The following POLE3 variants were observed in gnomAD, a reference collection of about 807,000 sequenced individuals.
The protein encoded by POLE3 is DNA polymerase epsilon 3, accessory subunit, also known as DNA polymerase epsilon subunit 3.
A neutral mutation model predicts 16.1 loss-of-function variants in POLE3; 10 were observed. That is an observed-to-expected ratio of 0.62 (90% confidence interval 0.38 to 1.05). POLE3 has a LOEUF of 1.05. Ranked by LOEUF, POLE3 falls within the 50% of genes least tolerant of loss-of-function variation. The pLI is 0.01. For synonymous variants in POLE3, 83 were observed against 71.0 expected (o/e 1.17, Z -0.85); for missense variants, 169 against 185.0 (o/e 0.91, Z 0.50).
At position 113,408,685 on chromosome 9, in the gene POLE3, T is replaced by C. The variant is rs920813901; in HGVS notation, c.*126A>G. ...TTTGACGGTATTTCTAGTCAGTTTT[T>C]ATTCTGATCTTTTCAGGCACTTTTG... On this transcript the variant is annotated 3_prime_UTR_variant, in exon 5 of 5. Transcript: ENST00000374171. The C allele has an allele frequency of 8.0e-6, 6 of 750,590 alleles. No homozygotes were observed. The highest frequency in any genetic ancestry group is 7.0e-5 in the Admixed American group (3 of 43,068). 46.5% of individuals were successfully genotyped at this position (750,590 alleles called of 1,614,324 possible).
Position 113,410,356 on chromosome 9 carries a change from T to C in POLE3, c.-63A>G. 1 of 1,461,452 alleles carries C rather than the reference T, an allele frequency of 6.8e-7. No homozygotes were observed. Among genetic ancestry groups the C allele is most frequent in the Non-Finnish European group, 9.5e-7 (1 of 1,057,090 alleles). 90.5% of individuals were successfully genotyped at this position (1,461,452 alleles called of 1,614,324 possible). ...TTCAGGGAGCTACTGCGTCCGGACT[T>C]CCCGCGTCGCTACGGTCTGACCCTG... On this transcript the variant is annotated 5_prime_UTR_variant, in exon 2 of 5. Transcript: ENST00000374171.
At chr9:113,409,940 G>A (rs1273970810) in intron 3 of POLE3, 115 bp downstream of exon 3, 8 of 859,976 alleles carry the variant, frequency 9.3e-6, no homozygotes, top group East Asian at 2.7e-5. Flanking sequence ...ACTGGCAGAG[G>A]ACTGTGAACA....
rs774345463 is a variant in POLE3 at position 113,408,903 on chromosome 9, C to T, written c.352G>A (p.Glu118Lys). Residue 118 changes from glutamate (E) to lysine (K), a missense_variant, in exon 5 of 5, where the codon GAG (glutamate) becomes AAG (lysine). Coordinates refer to ENST00000374171, the MANE Select transcript of POLE3 (RefSeq NM_017443.5). ...TCCTCATCCCTGCTCTTGTCTTGCTCTTCCGAGTCTGTTTTTTTGTCTTTG... is the reference window on the plus strand; with the variant it reads ...TCCTCATCCCTGCTCTTGTCTTGCTTTTCCGAGTCTGTTTTTTTGTCTTTG... Reference protein sequence around the residue: ...KDKDKKTDSEEQDKSRDEDND... With the variant: ...KDKDKKTDSEKQDKSRDEDND... The T allele has an allele frequency of 1.9e-6, 3 of 1,612,792 alleles. No homozygotes were observed. The highest frequency in any genetic ancestry group is 1.7e-6 in the Non-Finnish European group (2 of 1,179,266).
chr9:113,409,484 C>G, intron 4 of POLE3, 126 bp downstream of exon 4: 1 of 665,282 alleles, frequency 1.5e-6, no homozygotes, highest in Non-Finnish European at 2.7e-6. Flanking sequence ...CGAACTGGGT[C>G]GAGTCACATC....
At chr9:113,409,556 G>A (rs752109332) in intron 4 of POLE3, 54 bp downstream of exon 4, 4 of 1,066,430 alleles carry the variant, frequency 3.8e-6, no homozygotes, top group Non-Finnish European at 5.8e-6. Flanking sequence ...CTGGTGAACA[G>A]GTCACACAGG....
At chr9:113,410,733 GGGC>G (rs1564393524), upstream of POLE3, 10 of 232,848 alleles carry the variant, frequency 4.3e-5, no homozygotes, top group African/African-American at 2.0e-4. Context: ...TGACTCGGCG[GGGC>G]GGATCCCTTT....
At chr9:113,410,547 G>C (rs1828086135) in intron 1 of POLE3, 70 bp downstream of exon 1, 1 of 581,612 alleles carries the variant, frequency 1.7e-6, no homozygotes, top group African/African-American at 1.9e-5. Context: ...CAACCCTACC[G>C]CACCCCGCAC....
chr9:113,409,652 C>G lies in POLE3; in HGVS notation c.229G>C (p.Glu77Gln), dbSNP rs189428263. The G allele has an allele frequency of 2.5e-6, 4 of 1,613,412 alleles. No individual in the cohort carries two copies. The East Asian group carries it at 8.9e-5, about 36-fold the overall frequency. ...SDVLSAMEEM[E>Q]FQRFVTPLKE... ...AATGGGGTAACGAACCGCTGGAACT[C>G]CATCTCTTCCATGGCTGAGAGCACA... Residue 77 changes from glutamate to glutamine, a missense_variant, in exon 4 of 5, where the codon GAG becomes CAG. Transcript: ENST00000374171.
Position 113,408,563 on chromosome 9 carries a change from G to C in POLE3, c.*248C>G, listed in dbSNP as rs574749094. 1 of 326,198 alleles carries C rather than the reference G, an allele frequency of 3.1e-6. No homozygotes were observed. The highest frequency in any genetic ancestry group is 2.1e-5 in the African/African-American group (1 of 47,506). The allele number at this position is 326,198 out of a possible 1,614,324, so 20.2% of individuals were successfully genotyped here. On this transcript the variant is annotated 3_prime_UTR_variant, in exon 5 of 5. Coordinates refer to ENST00000374171, the MANE Select transcript of POLE3 (RefSeq NM_017443.5). ...AGCGAGCAAACTGACTAATTTAGTC[G>C]TTCAGAATCCCTCTTGTCAAAAGGC...
chr9:113,410,085 G>A lies in POLE3; in HGVS notation c.122C>T (p.Ala41Val). 6.3e-7 allele frequency: 1 copy of A among 1,580,258 alleles called. No individual in the cohort carries two copies. The highest frequency in any genetic ancestry group is 1.2e-5 in the South Asian group (1 of 86,772). ...KEARSAISRA[A>V]SVFVLYATSC... is the part of the protein sequence containing the mutation. ...TGTGGCGTACAGCACGAAGACGCTGGCGGCGCGGGAGATGGCGCTCCGGGC... is the reference window on the plus strand; with the variant it reads ...TGTGGCGTACAGCACGAAGACGCTGACGGCGCGGGAGATGGCGCTCCGGGC... The change falls in exon 3 of 5, where the codon GCC becomes GTC. Residue 41 changes from alanine to valine, a missense_variant. Ala to Val is a moderately conservative substitution (Grantham distance 64). Transcript: ENST00000374171.
chr9:113,410,214 C>G lies in POLE3; in HGVS notation c.66+14G>C, dbSNP rs34682882. On this transcript the variant is annotated intron_variant, in intron 2 of 4. Coordinates refer to ENST00000374171, the MANE Select transcript of POLE3 (RefSeq NM_017443.5). ...CCCTCCTGCCCGTTCGTCCGCCCCC[C>G]CCGAGCTGCTCACCGCCTCCTTGAT... is the stretch of plus-strand genomic sequence containing the variant. The G allele has an allele frequency of 4.5e-3, 7,307 of 1,613,364 alleles. 17 individuals carry two copies. The highest frequency in any genetic ancestry group is 5.8e-3 in the Non-Finnish European group (6,797 of 1,179,786).
intron 3 of POLE3, 103 bp downstream of exon 3, chr9:113,409,952 G>A: frequency 1.1e-6 from 1 of 945,080 alleles, no homozygotes; most frequent in Non-Finnish European, 1.6e-6. Context: ...CTGTGAACAT[G>A]TCCCCACCGA....
chr9:113,409,041 C>A, intron 4 of POLE3, 58 bp from the exon 5 acceptor site: 2 of 1,507,656 alleles, frequency 1.3e-6, no homozygotes, highest in Non-Finnish European at 1.8e-6. Context: ...AGACGGACTG[C>A]AGGAGCTAAT....
upstream of POLE3, chr9:113,410,733 G>A (rs3810923): frequency 4.3e-5 from 10 of 232,846 alleles, no homozygotes; most frequent in East Asian, 8.6e-4. Flanking sequence ...TGACTCGGCG[G>A]GGCGGATCCC....
In POLE3 at chr9:113,408,596, T is replaced by C; in HGVS notation, c.*215A>G. 4.4e-6 allele frequency: 2 copies of C among 452,560 alleles called. No individual in the cohort carries two copies. The highest frequency in any genetic ancestry group is 4.0e-6 in the Non-Finnish European group (1 of 249,690). 28.0% of individuals were successfully genotyped at this position (452,560 alleles called of 1,614,324 possible). ...TCCCTCTTGTCAAAAGGCCATAACC[T>C]TCAGATTGATGAAGCAAAACAGGAT... On this transcript the variant is annotated 3_prime_UTR_variant, in exon 5 of 5. Coordinates refer to ENST00000374171, the MANE Select transcript of POLE3 (RefSeq NM_017443.5).
In POLE3 at chr9:113,407,476, T is replaced by C. The variant is rs1827966095; in HGVS notation, c.*1335A>G. 6.6e-6 allele frequency: 1 copy of C among 152,604 alleles called. No individual in the cohort carries two copies. Among genetic ancestry groups the C allele is most frequent in the African/African-American group, 2.4e-5 (1 of 41,430 alleles). The allele number at this position is 152,604 out of a possible 1,614,324, so 9.5% of individuals were successfully genotyped here. On this transcript the variant is annotated 3_prime_UTR_variant, in exon 5 of 5. Coordinates refer to ENST00000374171, the MANE Select transcript of POLE3 (RefSeq NM_017443.5). ...TTAAAGAGGATGGTTTAGGGAGAGTTAGATTCCTGAGCACCATCAGATTTC... is the reference window on the plus strand; with the variant it reads ...TTAAAGAGGATGGTTTAGGGAGAGTCAGATTCCTGAGCACCATCAGATTTC...
In POLE3 at chr9:113,409,745, G is replaced by T; in HGVS notation, c.153-17C>A. 6.7e-7 allele frequency: 1 copy of T among 1,482,554 alleles called. No homozygotes were observed. Among genetic ancestry groups the T allele is most frequent in the Non-Finnish European group, 9.4e-7 (1 of 1,060,578 alleles). The allele number at this position is 1,482,554 out of a possible 1,614,324, so 91.8% of individuals were successfully genotyped here. A position where few individuals can be genotyped will look rare whatever the true frequency, so the allele number is the denominator to read the frequency against. On this transcript the variant is annotated splice_polypyrimidine_tract_variant and intron_variant, in intron 3 of 4. Coordinates refer to ENST00000374171, the MANE Select transcript of POLE3 (RefSeq NM_017443.5). ...TTGTTAGCACTGAGAGAAGAGAAAGGCTGTCAGACTCCCTCTTGTTTGTAA... is the reference window on the plus strand; with the variant it reads ...TTGTTAGCACTGAGAGAAGAGAAAGTCTGTCAGACTCCCTCTTGTTTGTAA...
In POLE3 at chr9:113,408,829, C is replaced by T; in HGVS notation, c.426G>A (p.Glu142=). Residue 142 remains glutamate (E), a synonymous_variant, in exon 5 of 5, where the codon GAG becomes GAA. Transcript: ENST00000374171. ...ERLEEEEQNE[E]EEVDN Reference sequence around the variant, plus strand: ...GCCCTTTTCAGTTGTCTACTTCTTCCTCTTCATTCTGTTCTTCTTCTTCCA... The same window carrying T: ...GCCCTTTTCAGTTGTCTACTTCTTCTTCTTCATTCTGTTCTTCTTCTTCCA... The T allele has an allele frequency of 6.2e-7, 1 of 1,613,676 alleles. No homozygotes were observed. Among genetic ancestry groups the T allele is most frequent in the Non-Finnish European group, 8.5e-7 (1 of 1,179,742 alleles).
chr9:113,408,813 A>G lies in POLE3; in HGVS notation c.442T>C (p.Ter148ArgextTer31). Reference protein sequence around the residue: ...EQNEEEEVDN* With the variant: ...EQNEEEEVDNR ...GGTGCCACAGTCTCCCGCCCTTTTC[A>G]GTTGTCTACTTCTTCCTCTTCATTC... Residue 148 changes from the stop codon to arginine, a stop_lost, in exon 5 of 5, where the codon TGA (stop) becomes CGA (arginine). Transcript: ENST00000374171. 6.2e-7 allele frequency: 1 copy of G among 1,612,508 alleles called. No individual in the cohort carries two copies. Among genetic ancestry groups the G allele is most frequent in the African/African-American group, 1.3e-5 (1 of 74,824 alleles).
Sources: allele counts gnomAD v4.1 joint callset, GRCh38; gene constraint gnomAD v4.1.1; transcripts MANE v1.5; gene names NCBI Gene and HGNC (gene_info 2026-07-23, HGNC 2026-07-21).